The following CYYR1 variants were observed in gnomAD, a reference collection of about 807,000 sequenced individuals.
CYYR1 encodes the protein cysteine and tyrosine-rich protein 1.
Under a neutral mutation model 15.2 loss-of-function variants are expected in CYYR1, and 14 were observed. That is an observed-to-expected ratio of 0.92 (90% CI 0.61 to 1.44). The LOEUF (loss-of-function observed/expected upper bound fraction) is 1.44. Among genes scored for constraint, CYYR1 ranks in the 40% most tolerant of loss-of-function variants. The probability of loss-of-function intolerance (pLI) is 0.00; values close to 1 mark genes in which losing one functional copy is unlikely to be tolerated. For synonymous variants in CYYR1, 80 were observed against 77.4 expected (o/e 1.03, Z -0.18); for missense variants, 228 against 209.5 (o/e 1.09, Z -0.54).
rs373702292 is a variant in CYYR1, at chr21:26,483,348, T to C, written c.177-2919A>G. 7 of 568,160 alleles carry C rather than the reference T, an allele frequency of 1.2e-5. No individual in the cohort carries two copies. The East Asian group carries it at 7.1e-4, about 58-fold the overall frequency. The allele number at this position is 568,160 out of a possible 1,614,324, so 35.2% of individuals were successfully genotyped here. ...TGGGTTCTTTTTTATTGATTGTTCA[T>C]TTTGATCTCATTCATATTTGATGTT... On this transcript the variant is annotated intron_variant, in intron 2 of 3. Coordinates refer to ENST00000652641, the MANE Select transcript of CYYR1 (RefSeq NM_001320768.2).
At chr21:26,502,354 G>A (rs1181386358) in intron 2 of CYYR1, among the ~76,000 whole-genome samples, 1 of 148,290 alleles carries the variant, frequency 6.7e-6, no homozygotes, top group East Asian at 2.0e-4. Context: ...ATATGTGAAT[G>A]TTGCTTGATT....
At chr21:26,512,345 C>T (rs1351070589) in intron 2 of CYYR1, among the ~76,000 whole-genome samples, 1 of 152,022 alleles carries the variant, frequency 6.6e-6, no homozygotes, top group Non-Finnish European at 1.5e-5. Context: ...ATTACAGGCG[C>T]ATGCCACCAT....
rs1035821524 is a variant in CYYR1, at chr21:26,502,248, A to G, written c.177-21819T>C. 6.6e-5 allele frequency among the ~76,000 whole-genome samples: 10 copies of G among 152,180 alleles called. No individual in the cohort carries two copies. The East Asian group carries it at 7.7e-4, about 12-fold the overall frequency. On this transcript the variant is annotated intron_variant, in intron 2 of 3. Coordinates refer to ENST00000652641, the MANE Select transcript of CYYR1 (RefSeq NM_001320768.2). Reference sequence around the variant, plus strand: ...CAGATCAAAGATACTCTGCTCCCCAATGCAAAAGGCATCACGGGCAGAATT... The same window carrying G: ...CAGATCAAAGATACTCTGCTCCCCAGTGCAAAAGGCATCACGGGCAGAATT...
intron 2 of CYYR1, among the ~76,000 whole-genome samples, chr21:26,484,786 T>A (rs978209019): frequency 9.9e-5 from 15 of 152,074 alleles, no homozygotes; most frequent in African/African-American, 3.6e-4. Context: ...TAGAGGAAAG[T>A]AGAAAATTAG....
intron 3 of CYYR1, among the ~76,000 whole-genome samples, chr21:26,476,607 T>TCTAC (rs1203227430): frequency 1.3e-5 from 2 of 151,700 alleles, no homozygotes; most frequent in Non-Finnish European, 2.9e-5. Flanking sequence ...TATCTATCTA[T>TCTAC]CTATCTATCT....
At chr21:26,540,402 TG>T (rs1978466098) in intron 2 of CYYR1, among the ~76,000 whole-genome samples, 1 of 152,016 alleles carries the variant, frequency 6.6e-6, no homozygotes, top group Non-Finnish European at 1.5e-5. Flanking sequence ...ACCCTTGGGG[TG>T]TACTGCTTTT....
At chr21:26,506,167 A>G (rs2065559245) in intron 2 of CYYR1, among the ~76,000 whole-genome samples, 1 of 152,124 alleles carries the variant, frequency 6.6e-6, no homozygotes. Flanking sequence ...CTCCATCTAG[A>G]AAAGGGGCCC....
chr21:26,489,873 C>T (rs2123438031), intron 2 of CYYR1, among the ~76,000 whole-genome samples: 1 of 152,190 alleles, frequency 6.6e-6, no homozygotes, highest in South Asian at 2.1e-4. Context: ...AACTCCTGTT[C>T]CCTTTACATG....
intron 1 of CYYR1, among the ~76,000 whole-genome samples, 161 bp from the exon 2 acceptor site, chr21:26,566,529 T>G (rs1368707910): frequency 6.6e-6 from 1 of 152,214 alleles, no homozygotes; most frequent in East Asian, 1.9e-4. Flanking sequence ...AGGATCTAAA[T>G]TAGCCTCTCT....
At chr21:26,542,578 C>G (rs1049895277) in intron 2 of CYYR1, among the ~76,000 whole-genome samples, 1 of 151,866 alleles carries the variant, frequency 6.6e-6, no homozygotes, top group South Asian at 2.1e-4. Context: ...TTCCTATGTT[C>G]CAGAACAAGG....
intron 3 of CYYR1, among the ~76,000 whole-genome samples, chr21:26,476,535 G>T (rs1010957408): frequency 5.9e-5 from 9 of 151,848 alleles, no homozygotes; most frequent in African/African-American, 2.2e-4. Context: ...ACATTCTTCT[G>T]TTAGGAAGAG....
At chr21:26,534,626 G>A (rs901096934) in intron 2 of CYYR1, among the ~76,000 whole-genome samples, 1 of 152,000 alleles carries the variant, frequency 6.6e-6, no homozygotes, top group African/African-American at 2.4e-5. Context: ...ACTATAGACT[G>A]CCATGACTCT....
Position 26,486,007 on chromosome 21 carries a change from T to C in CYYR1, c.177-5578A>G, listed in dbSNP as rs1319682825. Among the ~76,000 whole-genome samples, 7 of 152,242 alleles carry C rather than the reference T, an allele frequency of 4.6e-5. No individual in the cohort carries two copies. The East Asian group carries it at 5.8e-4, about 13-fold the overall frequency. ...CATTAAGTGTAGTGGTATTTCATCA[T>C]GGCCTTAATTTGCATTCCCGTAATG... On this transcript the variant is annotated intron_variant, in intron 2 of 3. Coordinates refer to ENST00000652641, the MANE Select transcript of CYYR1 (RefSeq NM_001320768.2).
Position 26,506,823 on chromosome 21 carries a change from G to A in CYYR1, c.177-26394C>T, listed in dbSNP as rs565583421. ...CTAAAATGACCCTGACCCCTCATTT[G>A]GTCACTTGACCACTGGTAACTCTAC... On this transcript the variant is annotated intron_variant, in intron 2 of 3. Coordinates refer to ENST00000652641, the MANE Select transcript of CYYR1 (RefSeq NM_001320768.2). The A allele has an allele frequency of 5.9e-5, 9 of 152,126 alleles. No homozygotes were observed. In the East Asian group the frequency reaches 1.7e-3, roughly 29 times the overall value. 9.4% of individuals were successfully genotyped at this position (152,126 alleles called of 1,614,324 possible).
intron 2 of CYYR1, among the ~76,000 whole-genome samples, chr21:26,538,754 T>G (rs1468612517): frequency 3.3e-5 from 5 of 152,182 alleles, no homozygotes. Flanking sequence ...TGGGGAAATA[T>G]CCAAATACCT....
At chr21:26,507,024 A>G (rs1204535133) in intron 2 of CYYR1, among the ~76,000 whole-genome samples, 1 of 152,194 alleles carries the variant, frequency 6.6e-6, no homozygotes, top group Non-Finnish European at 1.5e-5. Flanking sequence ...TGCAACTTCA[A>G]AAAAATCAAA....
intron 2 of CYYR1, chr21:26,482,292 A>G: frequency 1.0e-6 from 1 of 978,032 alleles, no homozygotes. Context: ...ATTTCCATGA[A>G]TTTTTATTTT....
At chr21:26,494,605 A>AGTAGTT (rs1264593129) in intron 2 of CYYR1, among the ~76,000 whole-genome samples, 1 of 152,052 alleles carries the variant, frequency 6.6e-6, no homozygotes, top group Non-Finnish European at 1.5e-5. Flanking sequence ...ACCAAGACGC[A>AGTAGTT]GTAGTTGGTG....
chr21:26,501,770 C>T (rs1262161211), intron 2 of CYYR1, among the ~76,000 whole-genome samples: 6 of 152,158 alleles, frequency 3.9e-5, no homozygotes, highest in Non-Finnish European at 8.8e-5. Flanking sequence ...CAAGTAATAC[C>T]CACTTATCTA....
Sources: gnomAD v4.1 joint callset for allele counts (sites outside exome capture counted in the v4.1 genomes callset) on GRCh38, gnomAD v4.1.1 for gene constraint, MANE v1.5 for transcripts, NCBI Gene and HGNC (gene_info 2026-07-23, HGNC 2026-07-21) for gene names.